Variants in TENM4 observed in about 807,000 individuals in gnomAD.
TENM4 encodes the protein teneurin-4.
A neutral mutation model predicts 243.3 loss-of-function variants in TENM4; 82 were observed. The observed-to-expected ratio is 0.34, with a 90% confidence interval of 0.28 to 0.40. TENM4 has a LOEUF of 0.40. Among genes scored for constraint, TENM4 ranks in the 10% least tolerant of loss-of-function variants. The pLI is 1.00. For missense variants in TENM4, 3,138 were observed against 3,673.3 expected (o/e 0.85, Z 3.77); for synonymous variants, 1,412 against 1,456.3 (o/e 0.97, Z 0.69).
chr11:79,130,469 T>C (rs986579601), intron 4 of TENM4, among the ~76,000 whole-genome samples: 1 of 47,624 alleles, frequency 2.1e-5, no homozygotes, highest in African/African-American at 8.1e-5. Flanking sequence ...CAAAGCCCAA[T>C]GCAAAGGAAA....
At chr11:79,176,693 G>C (rs2135128546) in intron 3 of TENM4, among the ~76,000 whole-genome samples, 1 of 152,246 alleles carries the variant, frequency 6.6e-6, no homozygotes, top group Middle Eastern at 3.4e-3. Flanking sequence ...GCATATTCAT[G>C]TGTATGAGAA....
rs17827033 is a variant in TENM4, at chr11:78,773,913, G to A, written c.2393-2775C>T. Among the ~76,000 whole-genome samples the A allele has an allele frequency of 7.4e-4, 113 of 152,244 alleles. No homozygotes were observed. The East Asian group carries it at 9.4e-3, about 13-fold the overall frequency. On this transcript the variant is annotated intron_variant, in intron 17 of 33. Coordinates refer to ENST00000278550, the MANE Select transcript of TENM4 (RefSeq NM_001098816.3). ...TTTTTGTTAAAAATGTTCAGATCTT[G>A]ATTTTCTAGGGCAGATCCAATTTTA... is the stretch of plus-strand genomic sequence containing the variant.
rs1271132436 is a variant in TENM4, at chr11:79,438,943, G to A, written c.-321+1566C>T. On this transcript the variant is annotated intron_variant, in intron 1 of 33. Coordinates refer to ENST00000278550, the MANE Select transcript of TENM4 (RefSeq NM_001098816.3). The surrounding 1 kb of genome is among the most constrained non-coding windows in gnomAD (Gnocchi z 4.1). ...TATCCTAGCTACCCAGGCCGGGGTG[G>A]GGGCGCCCCGGTACTTACACTCCCC... is the stretch of plus-strand genomic sequence containing the variant. 6.6e-6 allele frequency: 1 copy of A among 152,090 alleles called. No homozygotes were observed. Among genetic ancestry groups the A allele is most frequent in the Non-Finnish European group, 1.5e-5 (1 of 68,016 alleles). The allele number at this position is 152,090 out of a possible 1,614,324, so 9.4% of individuals were successfully genotyped here. A position where few individuals can be genotyped will look rare whatever the true frequency, so the allele number is the denominator to read the frequency against.
chr11:79,324,279 T>C (rs1208932984), intron 1 of TENM4, among the ~76,000 whole-genome samples: 2 of 152,138 alleles, frequency 1.3e-5, no homozygotes, highest in Admixed American at 1.3e-4. Context: ...TGGAGTGCAG[T>C]GGTGAGATCA....
intron 4 of TENM4, among the ~76,000 whole-genome samples, chr11:79,111,384 A>C (rs1269100217): frequency 6.6e-6 from 1 of 152,102 alleles, no homozygotes; most frequent in Non-Finnish European, 1.5e-5. Flanking sequence ...TCTCTACTAA[A>C]AATACAAAAG....
intron 9 of TENM4, among the ~76,000 whole-genome samples, chr11:78,872,436 T>C (rs755504343): frequency 9.9e-5 from 15 of 152,198 alleles, no homozygotes; most frequent in Non-Finnish European, 1.8e-4. Flanking sequence ...GGAGTCAGCA[T>C]TGCCCTTTGG....
chr11:79,221,675 T>C (rs1488948562), intron 2 of TENM4, among the ~76,000 whole-genome samples: 2 of 151,940 alleles, frequency 1.3e-5, no homozygotes, highest in Non-Finnish European at 2.9e-5. Context: ...GAGCAGCTCG[T>C]GAGCCACACA....
intron 1 of TENM4, among the ~76,000 whole-genome samples, chr11:79,385,625 A>C (rs1403463330): frequency 7.9e-5 from 12 of 152,242 alleles, no homozygotes; most frequent in Admixed American, 7.9e-4. Context: ...TCTTATTCAA[A>C]AAATAACCCC....
At chr11:78,991,165 A>C (rs370123919) in intron 6 of TENM4, among the ~76,000 whole-genome samples, 1 of 152,330 alleles carries the variant, frequency 6.6e-6, no homozygotes, top group Middle Eastern at 3.4e-3. Context: ...CACTGAATAC[A>C]CTGAAGCTGA....
intron 18 of TENM4, among the ~76,000 whole-genome samples, chr11:78,770,113 T>C (rs556121167): frequency 1.3e-5 from 2 of 152,250 alleles, no homozygotes; most frequent in African/African-American, 4.8e-5. Context: ...ACTGTTTTGA[T>C]GTTTTTTCAT....
At chr11:78,763,905 G>A (rs952348985) in intron 18 of TENM4, among the ~76,000 whole-genome samples, 12 of 96,486 alleles carry the variant, frequency 1.2e-4, no homozygotes, top group Non-Finnish European at 1.9e-4. Flanking sequence ...TCCCTCTGGA[G>A]ACAGGGGCTG....
Position 78,767,968 on chromosome 11 carries a change from A to G in TENM4, c.2539+3024T>C, listed in dbSNP as rs1856571127. ...GCCTTGTAGATAGCATGAGCCCTAC[A>G]AAGGTGTGCTTGGCTGAACTGAAAG... On this transcript the variant is annotated intron_variant, in intron 18 of 33. Transcript: ENST00000278550. 2.0e-5 allele frequency among the ~76,000 whole-genome samples: 3 copies of G among 152,224 alleles called. No individual in the cohort carries two copies. In the South Asian group the frequency reaches 6.2e-4, roughly 32 times the overall value.
rs115396273 is a variant in TENM4, at chr11:79,072,546, G to A, written c.-65-2537C>T. 3.9e-3 allele frequency among the ~76,000 whole-genome samples: 585 copies of A among 151,820 alleles called. 2 individuals are homozygous for A. Among genetic ancestry groups the A allele is most frequent in the African/African-American group, 0.013 (551 of 41,420 alleles). On this transcript the variant is annotated intron_variant, in intron 4 of 33. Transcript: ENST00000278550. ...ACCCACTACACACATTGATGTATGCGAATGTGTGTGTTTACATGTATAAAA... is the reference window on the plus strand; with the variant it reads ...ACCCACTACACACATTGATGTATGCAAATGTGTGTGTTTACATGTATAAAA...
At chr11:79,085,925 C>T (rs1337806558) in intron 4 of TENM4, among the ~76,000 whole-genome samples, 1 of 151,784 alleles carries the variant, frequency 6.6e-6, no homozygotes, top group East Asian at 1.9e-4. Flanking sequence ...ATTGACCGAC[C>T]AATTCTTAAA....
chr11:78,888,343 T>C (rs1855589493), intron 9 of TENM4, among the ~76,000 whole-genome samples: 1 of 152,198 alleles, frequency 6.6e-6, no homozygotes, highest in Non-Finnish European at 1.5e-5. Context: ...GAAGAAGAGA[T>C]GACATGCATG....
chr11:78,689,315 T>G (rs1858761562), intron 28 of TENM4, among the ~76,000 whole-genome samples: 1 of 152,218 alleles, frequency 6.6e-6, no homozygotes, highest in African/African-American at 2.4e-5. Flanking sequence ...TTTTAATTAT[T>G]GTTTTTAATT....
At chr11:79,420,558 T>C (rs1258395211) in intron 1 of TENM4, among the ~76,000 whole-genome samples, 1 of 152,236 alleles carries the variant, frequency 6.6e-6, no homozygotes, top group African/African-American at 2.4e-5. Flanking sequence ...ATGTGCTATT[T>C]ATGCCTCTCT....
chr11:79,194,112 G>T (rs1863573027), intron 3 of TENM4, among the ~76,000 whole-genome samples: 1 of 151,924 alleles, frequency 6.6e-6, no homozygotes, highest in South Asian at 2.1e-4. Context: ...TTATCAGGGG[G>T]TTTTTGCTTT....
At chr11:79,371,035 T>C (rs1215027642) in intron 1 of TENM4, among the ~76,000 whole-genome samples, 2 of 152,116 alleles carry the variant, frequency 1.3e-5, no homozygotes, top group African/African-American at 2.4e-5. Flanking sequence ...AGCCAACAAA[T>C]GTATGTAAAT....
Sources: allele counts gnomAD v4.1 joint callset (sites outside exome capture counted in the v4.1 genomes callset), GRCh38; gene constraint gnomAD v4.1.1; non-coding constraint Gnocchi (gnomAD v3.1); transcripts MANE v1.5; gene names NCBI Gene and HGNC (gene_info 2026-07-23, HGNC 2026-07-21).